Variants in PRICKLE2 observed in about 807,000 individuals in gnomAD.
The protein encoded by PRICKLE2 is prickle-like protein 2.
In PRICKLE2, 21 loss-of-function variants were observed where a neutral mutation model predicts 81.4. The ratio of observed to expected loss-of-function variants is 0.26; its 90% CI spans 0.18 to 0.37. The LOEUF (loss-of-function observed/expected upper bound fraction) is 0.37, where lower values mean the gene tolerates loss of function less well. Ranked by LOEUF, PRICKLE2 falls within the 10% of genes least tolerant of loss-of-function variation. The probability of loss-of-function intolerance (pLI) is 1.00; values close to 1 mark genes in which losing one functional copy is unlikely to be tolerated. For synonymous variants in PRICKLE2, 456 were observed against 421.5 expected, an observed-to-expected ratio of 1.08 and a Z score of -1.00; for missense variants, 940 against 1,109.0, an observed-to-expected ratio of 0.85 and a Z score of 2.16.
At chr3:64,245,569 A>C (rs2079335312) in intron 2 of PRICKLE2, among the ~76,000 whole-genome samples, 1 of 152,176 alleles carries the variant, frequency 6.6e-6, no homozygotes, top group African/African-American at 2.4e-5. Flanking sequence ...GTTGCAACAG[A>C]CTTTAGGAGG....
intron 2 of PRICKLE2, among the ~76,000 whole-genome samples, chr3:64,183,622 G>C (rs1199145353): frequency 6.6e-6 from 1 of 152,088 alleles, no homozygotes; most frequent in Non-Finnish European, 1.5e-5. Context: ...AAGCTATAGA[G>C]TATATCACAG....
At chr3:64,118,987 T>C (rs968357328) in intron 7 of PRICKLE2, among the ~76,000 whole-genome samples, 23 of 152,174 alleles carry the variant, frequency 1.5e-4, no homozygotes, top group African/African-American at 5.3e-4. Flanking sequence ...CCATCAATGA[T>C]AGACTGGATA....
chr3:64,140,679 G>A (rs977391096), intron 7 of PRICKLE2, among the ~76,000 whole-genome samples: 9 of 152,198 alleles, frequency 5.9e-5, no homozygotes, highest in African/African-American at 1.9e-4. Context: ...CCCCCACTCT[G>A]CCCTTGGTGT....
chr3:64,229,731 C>T (rs549258099), upstream of PRICKLE2, among the ~76,000 whole-genome samples: 6 of 152,302 alleles, frequency 3.9e-5, no homozygotes, highest in Middle Eastern at 0.02. Context: ...ATAAGGTTTC[C>T]CTTTTCAAAT....
At position 64,092,672 on chromosome 3, in the gene PRICKLE2, T is replaced by G. The variant is rs1307446355; in HGVS notation, c.*6379A>C. On this transcript the variant is annotated 3_prime_UTR_variant, in exon 8 of 8. Transcript: ENST00000638394. ...TCCAGACAGACCACTTATTATTTGC[T>G]TAAAAGCAAACACAAATATTTTTGG... 6.6e-6 allele frequency: 1 copy of G among 152,230 alleles called. No homozygotes were observed. Among genetic ancestry groups the G allele is most frequent in the East Asian group, 1.9e-4 (1 of 5,188 alleles). 9.4% of individuals were successfully genotyped at this position (152,230 alleles called of 1,614,324 possible). A position where few individuals can be genotyped will look rare whatever the true frequency, so the allele number is the denominator to read the frequency against.
At chr3:64,114,997 A>G (rs2076912272) in intron 7 of PRICKLE2, among the ~76,000 whole-genome samples, 1 of 152,230 alleles carries the variant, frequency 6.6e-6, no homozygotes, top group Admixed American at 6.5e-5. Context: ...CTGACAGCAG[A>G]CTTCTCAGCT....
chr3:64,244,111 T>G (rs770657174), intron 2 of PRICKLE2, among the ~76,000 whole-genome samples: 1 of 152,176 alleles, frequency 6.6e-6, no homozygotes, highest in Non-Finnish European at 1.5e-5. Context: ...TTAACTTGCA[T>G]GGAATCAAAG....
chr3:64,133,814 T>C (rs1212552443), intron 7 of PRICKLE2, among the ~76,000 whole-genome samples: 1 of 152,192 alleles, frequency 6.6e-6, no homozygotes, highest in Non-Finnish European at 1.5e-5. Context: ...GCAAGCAAAG[T>C]GCTCCCCAGT....
At chr3:64,137,012 A>G (rs1219764283) in intron 7 of PRICKLE2, among the ~76,000 whole-genome samples, 2 of 152,234 alleles carry the variant, frequency 1.3e-5, no homozygotes, top group Non-Finnish European at 2.9e-5. Flanking sequence ...CAAACTATTC[A>G]CTATGTTTAT....
At chr3:64,231,964 A>G (rs1388370114) in intron 2 of PRICKLE2, among the ~76,000 whole-genome samples, 1 of 152,194 alleles carries the variant, frequency 6.6e-6, no homozygotes, top group Non-Finnish European at 1.5e-5. Context: ...AACAAAAACA[A>G]AAACCAGGTG....
intron 1 of PRICKLE2, among the ~76,000 whole-genome samples, chr3:64,217,570 G>A (rs696025): frequency 6.6e-6 from 1 of 152,184 alleles, no homozygotes; most frequent in Non-Finnish European, 1.5e-5. Context: ...GCTATTGGTA[G>A]GTGTTCAATA....
intron 7 of PRICKLE2, among the ~76,000 whole-genome samples, chr3:64,133,945 G>GA (rs2077237228): frequency 6.6e-6 from 1 of 152,164 alleles, no homozygotes; most frequent in Non-Finnish European, 1.5e-5. Context: ...CTGAGTTCTG[G>GA]TCAATCTTCC....
chr3:64,214,048 C>A (rs1333933740), intron 1 of PRICKLE2, among the ~76,000 whole-genome samples: 1 of 152,190 alleles, frequency 6.6e-6, no homozygotes, highest in Non-Finnish European at 1.5e-5. Context: ...TTATATTAGG[C>A]CGCCTTTCAT....
At chr3:64,207,972 C>G (rs1158739354) in intron 1 of PRICKLE2, among the ~76,000 whole-genome samples, 1 of 152,212 alleles carries the variant, frequency 6.6e-6, no homozygotes, top group African/African-American at 2.4e-5. Flanking sequence ...TCCATCTGCT[C>G]TGTAGCCCAT....
intron 2 of PRICKLE2, among the ~76,000 whole-genome samples, chr3:64,244,754 CA>C (rs894865786): frequency 2.6e-5 from 4 of 151,980 alleles, no homozygotes; most frequent in Non-Finnish European, 4.4e-5. Context: ...ATCTGGTCAC[CA>C]ACATATAGCA....
Position 64,099,443 on chromosome 3 carries a change from G to A in PRICKLE2, c.2143C>T (p.Pro715Ser), listed in dbSNP as rs762224647. Reference protein sequence around the residue: ...REAISRLKDRPPLRAREDYDQ... With the variant: ...REAISRLKDRSPLRAREDYDQ... ...TAGTCCTCCCTGGCTCTCAGAGGGG[G>A]CCTATCTTTTAACCGGGAGATGGCC... The change falls in exon 8 of 8, where the codon CCC becomes TCC. Residue 715 changes from proline to serine, a missense_variant. Pro to Ser is a moderately conservative substitution (Grantham distance 74, BLOSUM62 -1). Transcript: ENST00000638394. This position sits in a 1 kb window ranked among gnomAD's most constrained non-coding sequence, Gnocchi z 4.3. The A allele has an allele frequency of 6.3e-7, 1 of 1,587,216 alleles. No individual in the cohort carries two copies. The highest frequency in any genetic ancestry group is 1.1e-5 in the South Asian group (1 of 88,154).
chr3:64,255,258 T>G (rs2079509651), intron 2 of PRICKLE2, among the ~76,000 whole-genome samples: 1 of 152,212 alleles, frequency 6.6e-6, no homozygotes, highest in African/African-American at 2.4e-5. Flanking sequence ...TGAACTTACT[T>G]CTTGTTCCAT....
intron 2 of PRICKLE2, among the ~76,000 whole-genome samples, chr3:64,254,426 A>G (rs554453947): frequency 6.6e-6 from 1 of 152,298 alleles, no homozygotes; most frequent in Admixed American, 6.5e-5. Flanking sequence ...AGAGCTAGAC[A>G]AGAAACCACC....
At chr3:64,262,223 A>AT (rs1396107390) in intron 2 of PRICKLE2, among the ~76,000 whole-genome samples, 1 of 152,006 alleles carries the variant, frequency 6.6e-6, no homozygotes, top group Non-Finnish European at 1.5e-5. Context: ...AATTTGGGCT[A>AT]TTTTTTTGAA....
Sources: allele counts gnomAD v4.1 joint callset (sites outside exome capture counted in the v4.1 genomes callset), GRCh38; gene constraint gnomAD v4.1.1; non-coding constraint Gnocchi (gnomAD v3.1); transcripts MANE v1.5; gene names NCBI Gene and HGNC (gene_info 2026-07-23, HGNC 2026-07-21).